The following DRC11 variants were observed in gnomAD, a reference collection of about 807,000 sequenced individuals.
The protein encoded by DRC11 is IQ and AAA domain-containing protein 1.
the DRC11 span, among the ~76,000 whole-genome samples, chr2:236,490,806 C>CGT: frequency 3.1e-4 from 47 of 150,324 alleles, no homozygotes; most frequent in Admixed American, 1.3e-4. The surrounding 1 kb of genome is among the most constrained non-coding windows in gnomAD (Gnocchi z 5.5). Context: ...TGTCTGCATG[C>CGT]GTGTGTGTGT....
At chr2:236,352,645 C>T in the DRC11 span, among the ~76,000 whole-genome samples, 1 of 152,178 alleles carries the variant, frequency 6.6e-6, no homozygotes, top group Non-Finnish European at 1.5e-5. The surrounding 1 kb of genome is among the most constrained non-coding windows in gnomAD (Gnocchi z 7.0). Context: ...CTAGAATCAA[C>T]CGTTGAACAC....
the DRC11 span, among the ~76,000 whole-genome samples, chr2:236,455,407 G>C: frequency 1.3e-5 from 2 of 152,200 alleles, no homozygotes; most frequent in African/African-American, 4.8e-5. The surrounding 1 kb of genome is among the most constrained non-coding windows in gnomAD (Gnocchi z 5.7). Flanking sequence ...GTAGAGAAAT[G>C]CAAGTTCATC....
chr2:236,403,293 A>G, the DRC11 span, among the ~76,000 whole-genome samples: 2 of 152,116 alleles, frequency 1.3e-5, no homozygotes, highest in Non-Finnish European at 2.9e-5. Flanking sequence ...GGGCAGACAG[A>G]CATGAGGCTG....
chr2:236,408,949 C>T, the DRC11 span: 38 of 700,468 alleles, frequency 5.4e-5, no homozygotes, highest in Middle Eastern at 1.2e-3. This position sits in a 1 kb window ranked among gnomAD's most constrained non-coding sequence, Gnocchi z 5.5. Context: ...AGGAAGGCTG[C>T]GAAGTGGACC....
At chr2:236,446,594 A>G in the DRC11 span, among the ~76,000 whole-genome samples, 1 of 152,208 alleles carries the variant, frequency 6.6e-6, no homozygotes, top group African/African-American at 2.4e-5. This position sits in a 1 kb window ranked among gnomAD's most constrained non-coding sequence, Gnocchi z 6.2. Flanking sequence ...CTGGAGAGGC[A>G]CAGGCTGTCC....
At chr2:236,478,078 C>T in the DRC11 span, among the ~76,000 whole-genome samples, 1 of 150,682 alleles carries the variant, frequency 6.6e-6, no homozygotes, top group Non-Finnish European at 1.5e-5. The surrounding 1 kb of genome is among the most constrained non-coding windows in gnomAD (Gnocchi z 5.9). Context: ...TTATTTCTTT[C>T]CTTTCACTAA....
At chr2:236,468,846 C>T in the DRC11 span, among the ~76,000 whole-genome samples, 1 of 152,206 alleles carries the variant, frequency 6.6e-6, no homozygotes, top group African/African-American at 2.4e-5. Context: ...TTAATAATGT[C>T]ACAATTATCT....
the DRC11 span, among the ~76,000 whole-genome samples, chr2:236,397,970 T>C: frequency 6.6e-6 from 1 of 152,214 alleles, no homozygotes; most frequent in Non-Finnish European, 1.5e-5. The surrounding 1 kb of genome is among the most constrained non-coding windows in gnomAD (Gnocchi z 5.0). Flanking sequence ...AATATGCAAG[T>C]GAAAAGGTGT....
chr2:236,506,766 C>T, the DRC11 span, among the ~76,000 whole-genome samples: 1 of 152,234 alleles, frequency 6.6e-6, no homozygotes, highest in Non-Finnish European at 1.5e-5. The surrounding 1 kb of genome is among the most constrained non-coding windows in gnomAD (Gnocchi z 4.9). Context: ...GCTGTGTAAA[C>T]GACACAGTGC....
the DRC11 span, among the ~76,000 whole-genome samples, chr2:236,445,132 A>G: frequency 3.3e-5 from 5 of 152,226 alleles, no homozygotes; most frequent in Non-Finnish European, 5.9e-5. The surrounding 1 kb of genome is among the most constrained non-coding windows in gnomAD (Gnocchi z 4.8). Flanking sequence ...ACCTCATTGC[A>G]TAATTTTATT....
chr2:236,357,511 T>C, the DRC11 span, among the ~76,000 whole-genome samples: 8 of 127,108 alleles, frequency 6.3e-5, no homozygotes, highest in Non-Finnish European at 4.6e-5. Flanking sequence ...TTACATATTA[T>C]AAATATATTT....
the DRC11 span, among the ~76,000 whole-genome samples, chr2:236,428,673 T>TA: frequency 2.0e-5 from 3 of 152,068 alleles, no homozygotes; most frequent in Non-Finnish European, 2.9e-5. Flanking sequence ...TTGGGTAATT[T>TA]AAAAAAAATC....
the DRC11 span, among the ~76,000 whole-genome samples, chr2:236,358,259 T>C: frequency 3.0e-5 from 4 of 132,500 alleles, no homozygotes; most frequent in Admixed American, 8.1e-5. Context: ...GTATACTATA[T>C]GAATATATAA....
the DRC11 span, among the ~76,000 whole-genome samples, chr2:236,425,013 A>G: frequency 6.6e-6 from 1 of 152,044 alleles, no homozygotes; most frequent in Non-Finnish European, 1.5e-5. Flanking sequence ...TTAAAGCTGA[A>G]TAGTGTTCCA....
At chr2:236,331,286 C>A in the DRC11 span, 27 of 1,095,476 alleles carry the variant, frequency 2.5e-5, no homozygotes, top group African/African-American at 3.9e-4. This position sits in a 1 kb window ranked among gnomAD's most constrained non-coding sequence, Gnocchi z 4.8. Context: ...ACGAAACCCA[C>A]GGAACTGCAG....
At chr2:236,342,910 A>G in the DRC11 span, among the ~76,000 whole-genome samples, 1 of 151,822 alleles carries the variant, frequency 6.6e-6, no homozygotes, top group Non-Finnish European at 1.5e-5. This position sits in a 1 kb window ranked among gnomAD's most constrained non-coding sequence, Gnocchi z 5.8. Context: ...CACACGACGG[A>G]CTCCTCTAAT....
chr2:236,418,048 T>C, the DRC11 span, among the ~76,000 whole-genome samples: 1 of 152,206 alleles, frequency 6.6e-6, no homozygotes, highest in Non-Finnish European at 1.5e-5. Context: ...CACGTGTGCA[T>C]GTGTCTTTAC....
chr2:236,422,146 C>A, the DRC11 span, among the ~76,000 whole-genome samples: 1 of 152,144 alleles, frequency 6.6e-6, no homozygotes, highest in Non-Finnish European at 1.5e-5. Context: ...AAAACGGGCA[C>A]AAGACAGGGA....
the DRC11 span, among the ~76,000 whole-genome samples, chr2:236,357,175 TTA>T: frequency 2.0e-4 from 18 of 89,832 alleles, no homozygotes; most frequent in East Asian, 1.0e-3. Flanking sequence ...TATCTATATA[TTA>T]TATATATTCA....
Sources: allele counts gnomAD v4.1 joint callset (sites outside exome capture counted in the v4.1 genomes callset), GRCh38; gene constraint gnomAD v4.1.1; non-coding constraint Gnocchi (gnomAD v3.1); transcripts MANE v1.5; gene names NCBI Gene and HGNC (gene_info 2026-07-23, HGNC 2026-07-21).